IQCH: variants seen among roughly 807,000 people sequenced by gnomAD.
IQCH encodes IQ motif containing H.
A neutral mutation model predicts 117.0 loss-of-function variants in IQCH; 98 were observed. That is an observed-to-expected ratio of 0.84 (90% CI 0.71 to 0.99). IQCH has a LOEUF of 0.99. Ranked by LOEUF, IQCH falls within the 50% of genes least tolerant of loss-of-function variation. The pLI is 0.00. For synonymous variants in IQCH, 412 were observed against 448.2 expected (o/e 0.92, Z 1.02); for missense variants, 1,102 against 1,243.8 (o/e 0.89, Z 1.72).
chr15:67,440,921 A>G (rs950733987), intron 16 of IQCH, among the ~76,000 whole-genome samples: 2 of 152,134 alleles, frequency 1.3e-5, no homozygotes, highest in South Asian at 2.1e-4. Flanking sequence ...GAGGAAGTCA[A>G]ACTGTCACTG....
At chr15:67,325,268 A>G (rs1016624807) in intron 4 of IQCH, among the ~76,000 whole-genome samples, 7 of 152,146 alleles carry the variant, frequency 4.6e-5, no homozygotes, top group Middle Eastern at 3.4e-3. Flanking sequence ...CCTCTTTTAT[A>G]TACATTTAAT....
rs549948489 is a variant in IQCH at position 67,477,298 on chromosome 15, CGGCTTCCCAAA to C, written c.2799+1482_2799+1492del. On this transcript the variant is annotated intron_variant, in intron 18 of 20. Transcript: ENST00000335894. ...TCTCGACCTCATGATCCGCCCGCCT[CGGCTTCCCAAA>C]GTATTGGGATTACAGGCATGAGCCA... Among the ~76,000 whole-genome samples the C allele has an allele frequency of 1.7e-3, 264 of 152,164 alleles. 1 individual carries two copies. The highest frequency in any genetic ancestry group is 2.8e-3 in the Non-Finnish European group (191 of 68,002).
chr15:67,341,524 T>C (rs940459699), intron 5 of IQCH, among the ~76,000 whole-genome samples: 2 of 152,198 alleles, frequency 1.3e-5, no homozygotes, highest in African/African-American at 4.8e-5. Flanking sequence ...AAACTTTAAA[T>C]TAACCTGTGG....
In IQCH at chr15:67,474,122, G is replaced by A. The variant is rs1028253721; in HGVS notation, c.2677-1574G>A. Among the ~76,000 whole-genome samples, 1 of 149,252 alleles carries A rather than the reference G, an allele frequency of 6.7e-6. No homozygotes were observed. Among genetic ancestry groups the A allele is most frequent in the Admixed American group, 6.7e-5 (1 of 14,818 alleles). Reference sequence around the variant, plus strand: ...TGTGTGTGGAGAGGGAGAGAGGGATGCAGGAGAGGAAAGGAGGTCTATTCT... The same window carrying A: ...TGTGTGTGGAGAGGGAGAGAGGGATACAGGAGAGGAAAGGAGGTCTATTCT... On this transcript the variant is annotated intron_variant, in intron 17 of 20. Transcript: ENST00000335894. This position sits in a 1 kb window ranked among gnomAD's most constrained non-coding sequence, Gnocchi z 4.1.
intron 13 of IQCH, among the ~76,000 whole-genome samples, chr15:67,396,765 T>C (rs976132109): frequency 6.6e-6 from 1 of 152,220 alleles, no homozygotes; most frequent in African/African-American, 2.4e-5. Flanking sequence ...TGCCTGATCA[T>C]GATGCTCTGC....
intron 4 of IQCH, among the ~76,000 whole-genome samples, chr15:67,289,846 T>A (rs1317701454): frequency 2.0e-5 from 3 of 152,102 alleles, no homozygotes; most frequent in Non-Finnish European, 4.4e-5. Flanking sequence ...AGTAAGAGAT[T>A]TTCAGGTTTA....
In IQCH at chr15:67,490,241, T is replaced by C. The variant is rs1351316369; in HGVS notation, c.2861+177T>C. 6.6e-6 allele frequency among the ~76,000 whole-genome samples: 1 copy of C among 152,184 alleles called. No homozygotes were observed. The highest frequency in any genetic ancestry group is 1.5e-5 in the Non-Finnish European group (1 of 68,030). On this transcript the variant is annotated intron_variant, in intron 19 of 20. Coordinates refer to ENST00000335894, the MANE Select transcript of IQCH (RefSeq NM_001031715.3). This position sits in a 1 kb window ranked among gnomAD's most constrained non-coding sequence, Gnocchi z 4.9. ...ATTTTTTTGAGACGGAGCCTCACTC[T>C]GTCACCCAGGCTGGAGTGCAGTGGC...
chr15:67,373,526 A>T (rs1049144360), intron 10 of IQCH, 93 bp downstream of exon 10: 2 of 870,442 alleles, frequency 2.3e-6, no homozygotes, highest in Non-Finnish European at 2.0e-6. Flanking sequence ...CCCTTGTTTT[A>T]TTCAAATTGG....
intron 16 of IQCH, among the ~76,000 whole-genome samples, chr15:67,442,503 G>A (rs1848699615): frequency 2.0e-5 from 3 of 152,144 alleles, no homozygotes; most frequent in South Asian, 2.1e-4. Flanking sequence ...CTGCAAGAAT[G>A]GCCATAATCA....
rs960301111 is a variant in IQCH, at chr15:67,473,436, C to T, written c.2677-2260C>T. On this transcript the variant is annotated intron_variant, in intron 17 of 20. Coordinates refer to ENST00000335894, the MANE Select transcript of IQCH (RefSeq NM_001031715.3). The surrounding 1 kb of genome is among the most constrained non-coding windows in gnomAD (Gnocchi z 4.9). ...ATGCTGTCCTCCAGCAGGCAAGGCC[C>T]GGAGCAACTGCCCTGAGTTGTCCTT... Among the ~76,000 whole-genome samples, 6 of 152,224 alleles carry T rather than the reference C, an allele frequency of 3.9e-5. No homozygotes were observed. The highest frequency in any genetic ancestry group is 5.9e-5 in the Non-Finnish European group (4 of 68,038).
In IQCH at chr15:67,400,218, T is replaced by C. The variant is rs1971600548; in HGVS notation, c.2010T>C (p.Asp670=). 1 of 1,613,484 alleles carries C rather than the reference T, an allele frequency of 6.2e-7. No homozygotes were observed. Among genetic ancestry groups the C allele is most frequent in the African/African-American group, 1.3e-5 (1 of 74,918 alleles). ...GAGGAAATGGGACTGCATTTTGTGA[T>C]ATTCCTTCCTACCTAAAGTGCTACA... ...EFRGNGTAFC[D]IPSYLKCYKW... is the part of the protein sequence containing the mutation. Residue 670 remains aspartate (D), a synonymous_variant, in exon 14 of 21, where the codon GAT becomes GAC. Coordinates refer to ENST00000335894, the MANE Select transcript of IQCH (RefSeq NM_001031715.3).
chr15:67,389,188 G>A (rs372869112), intron 12 of IQCH, among the ~76,000 whole-genome samples, 182 bp downstream of exon 12: 2 of 152,228 alleles, frequency 1.3e-5, no homozygotes, highest in African/African-American at 2.4e-5. Flanking sequence ...TTCAGACTTA[G>A]TGGAGCTACC....
intron 10 of IQCH, among the ~76,000 whole-genome samples, chr15:67,383,464 ATAT>A (rs1239377454): frequency 2.0e-5 from 3 of 152,198 alleles, no homozygotes; most frequent in African/African-American, 7.2e-5. Context: ...TTAATGAGAC[ATAT>A]TATACTGCTT....
chr15:67,425,721 C>T lies in IQCH; in HGVS notation c.2505+4144C>T, dbSNP rs1458671728. ...TGCTTATCAAATTCCACCCAGAAAA[C>T]TTAGCATCCATTGGCAACTTTTTCC... On this transcript the variant is annotated intron_variant, in intron 16 of 20. Transcript: ENST00000335894. This position sits in a 1 kb window ranked among gnomAD's most constrained non-coding sequence, Gnocchi z 5.5. Among the ~76,000 whole-genome samples, 1 of 152,150 alleles carries T rather than the reference C, an allele frequency of 6.6e-6. No individual in the cohort carries two copies. The highest frequency in any genetic ancestry group is 2.4e-5 in the African/African-American group (1 of 41,434).
chr15:67,453,932 G>A lies in IQCH; in HGVS notation c.2506-11195G>A, dbSNP rs1409699365. On this transcript the variant is annotated intron_variant, in intron 16 of 20. Coordinates refer to ENST00000335894, the MANE Select transcript of IQCH (RefSeq NM_001031715.3). This position sits in a 1 kb window ranked among gnomAD's most constrained non-coding sequence, Gnocchi z 5.8. ...TCAAACAACTAACTCGGCAATGGCG[G>A]GCACCCCTCCCCCAGCCTCGCTGCC... is the stretch of plus-strand genomic sequence containing the variant. Among the ~76,000 whole-genome samples the A allele has an allele frequency of 6.6e-6, 1 of 152,204 alleles. No homozygotes were observed. The highest frequency in any genetic ancestry group is 2.4e-5 in the African/African-American group (1 of 41,450).
chr15:67,330,766 T>C (rs1968632146), intron 4 of IQCH, among the ~76,000 whole-genome samples: 1 of 152,214 alleles, frequency 6.6e-6, no homozygotes, highest in Non-Finnish European at 1.5e-5. Context: ...ATTTTTCCTT[T>C]CTGCTTCTTA....
rs191830845 is a variant in IQCH, at chr15:67,474,027, G to A, written c.2677-1669G>A. On this transcript the variant is annotated intron_variant, in intron 17 of 20. Coordinates refer to ENST00000335894, the MANE Select transcript of IQCH (RefSeq NM_001031715.3). The surrounding 1 kb of genome is among the most constrained non-coding windows in gnomAD (Gnocchi z 4.1). ...AAGAAAAACATGCTCCCCCCATCAT[G>A]TGTGAGGGGAGCATGTCACCAAAAG... Among the ~76,000 whole-genome samples the A allele has an allele frequency of 1.3e-5, 2 of 151,766 alleles. No individual in the cohort carries two copies. The highest frequency in any genetic ancestry group is 1.9e-4 in the East Asian group (1 of 5,168).
chr15:67,255,813 C>T (rs529256800), intron 1 of IQCH, among the ~76,000 whole-genome samples: 1 of 152,218 alleles, frequency 6.6e-6, no homozygotes, highest in South Asian at 2.1e-4. Context: ...CTAAATGTAC[C>T]TTTTCCCAAA....
At position 67,388,123 on chromosome 15, in the gene IQCH, A is replaced by C. The variant is rs1227081482; in HGVS notation, c.1457-708A>C. On this transcript the variant is annotated intron_variant, in intron 11 of 20. Transcript: ENST00000335894. This position sits in a 1 kb window ranked among gnomAD's most constrained non-coding sequence, Gnocchi z 5.5. ...CTCCCTGAAATATTCTGCAGCATGG[A>C]GTGGATACTCTCATTTCACTATTCC... Among the ~76,000 whole-genome samples, 1 of 152,216 alleles carries C rather than the reference A, an allele frequency of 6.6e-6. No individual in the cohort carries two copies. The highest frequency in any genetic ancestry group is 6.5e-5 in the Admixed American group (1 of 15,280).
Sources: allele counts gnomAD v4.1 joint callset (sites outside exome capture counted in the v4.1 genomes callset), GRCh38; gene constraint gnomAD v4.1.1; non-coding constraint Gnocchi (gnomAD v3.1); transcripts MANE v1.5; gene names NCBI Gene and HGNC (gene_info 2026-07-23, HGNC 2026-07-21).